The following TMEM178B variants were observed in gnomAD, a reference collection of about 807,000 sequenced individuals.
TMEM178B encodes the protein transmembrane protein 178B.
TMEM178B carries 5 observed loss-of-function variants against 31.0 expected under a neutral mutation model. The observed-to-expected ratio is 0.16, with a 90% CI of 0.08 to 0.34. The LOEUF (loss-of-function observed/expected upper bound fraction) is 0.34. TMEM178B is among the 10% of genes least tolerant of loss of function. The pLI is 1.00. For synonymous variants in TMEM178B, 164 were observed against 164.0 expected (o/e 1.00, Z 0.00); for missense variants, 275 against 400.3 (o/e 0.69, Z 2.67).
At chr7:141,439,772 A>G (rs753723667) in intron 3 of TMEM178B, among the ~76,000 whole-genome samples, 1 of 152,188 alleles carries the variant, frequency 6.6e-6, no homozygotes, top group Non-Finnish European at 1.5e-5. Flanking sequence ...CCTGGGGGCC[A>G]GCTTCTTTCA....
downstream of TMEM178B, among the ~76,000 whole-genome samples, chr7:141,483,752 T>TC (rs981988034): frequency 3.9e-5 from 6 of 151,988 alleles, no homozygotes; most frequent in African/African-American, 1.4e-4. Context: ...TTTTTTTTTT[T>TC]TGAGATGGAG....
At chr7:141,383,284 A>G (rs983993252) in intron 2 of TMEM178B, among the ~76,000 whole-genome samples, 3 of 151,592 alleles carry the variant, frequency 2.0e-5, no homozygotes, top group African/African-American at 7.3e-5. Flanking sequence ...TTTGTTACAT[A>G]TGTATACATG....
At chr7:141,454,190 C>A (rs529183662) in intron 3 of TMEM178B, among the ~76,000 whole-genome samples, 3 of 152,162 alleles carry the variant, frequency 2.0e-5, no homozygotes, top group Non-Finnish European at 4.4e-5. Flanking sequence ...TTCCCAAAAG[C>A]CTCTGGCTCA....
intron 2 of TMEM178B, among the ~76,000 whole-genome samples, chr7:141,253,549 T>TTTC (rs1365826955): frequency 1.5e-5 from 2 of 135,160 alleles, no homozygotes; most frequent in African/African-American, 2.6e-5. Flanking sequence ...CCCTTCTTTT[T>TTTC]TTTTTTTTTT....
At chr7:141,390,793 C>T (rs1297100851) in intron 2 of TMEM178B, among the ~76,000 whole-genome samples, 2 of 152,224 alleles carry the variant, frequency 1.3e-5, no homozygotes, top group Admixed American at 6.5e-5. Flanking sequence ...ATTTATGCTT[C>T]TCTACCTCTG....
intron 2 of TMEM178B, among the ~76,000 whole-genome samples, chr7:141,310,849 C>T (rs764303745): frequency 6.6e-6 from 1 of 152,094 alleles, no homozygotes. Flanking sequence ...TACATGCACG[C>T]GTATGTTCAT....
At chr7:141,157,773 A>G (rs959643177) in intron 1 of TMEM178B, among the ~76,000 whole-genome samples, 1 of 152,214 alleles carries the variant, frequency 6.6e-6, no homozygotes. Flanking sequence ...TGCCTGGCAC[A>G]TCATGGTGAT....
chr7:141,321,483 AAG>A (rs1430889582), intron 2 of TMEM178B, among the ~76,000 whole-genome samples: 1 of 152,172 alleles, frequency 6.6e-6, no homozygotes, highest in Non-Finnish European at 1.5e-5. Flanking sequence ...ACAGCCGAGT[AAG>A]AGAGTGCAGT....
At chr7:141,381,465 T>C (rs1400329059) in intron 2 of TMEM178B, among the ~76,000 whole-genome samples, 1 of 152,208 alleles carries the variant, frequency 6.6e-6, no homozygotes, top group Non-Finnish European at 1.5e-5. Flanking sequence ...TGTTTGTTTT[T>C]TATATTTCTT....
rs187171154 is a variant in TMEM178B at position 141,256,228 on chromosome 7, G to A, written c.496+43524G>A. Among the ~76,000 whole-genome samples, 399 of 152,218 alleles carry A rather than the reference G, an allele frequency of 2.6e-3. 1 individual carries two copies. The highest frequency in any genetic ancestry group is 6.8e-3 in the Middle Eastern group (2 of 294). Reference sequence around the variant, plus strand: ...CTGATACATTCCAATATAAATAGAAGACCATAAACAAGTAAACTTAAATTA... The same window carrying A: ...CTGATACATTCCAATATAAATAGAAAACCATAAACAAGTAAACTTAAATTA... On this transcript the variant is annotated intron_variant, in intron 2 of 3. Coordinates refer to ENST00000565468, the MANE Select transcript of TMEM178B (RefSeq NM_001195278.2).
At chr7:141,438,922 T>G (rs919541503) in intron 3 of TMEM178B, among the ~76,000 whole-genome samples, 1 of 147,634 alleles carries the variant, frequency 6.8e-6, no homozygotes, top group South Asian at 2.2e-4. Context: ...TGGAAAGAAA[T>G]AAAAGTAAGT....
At chr7:141,201,882 G>A (rs993103411) in intron 1 of TMEM178B, among the ~76,000 whole-genome samples, 6 of 152,166 alleles carry the variant, frequency 3.9e-5, no homozygotes, top group Non-Finnish European at 1.5e-5. Flanking sequence ...TACTTTATAT[G>A]TTTCCAATAT....
At chr7:141,441,337 G>A (rs2116688335) in intron 3 of TMEM178B, among the ~76,000 whole-genome samples, 1 of 152,324 alleles carries the variant, frequency 6.6e-6, no homozygotes, top group Admixed American at 6.5e-5. Context: ...TTTAGGGGTT[G>A]GCCTGTTGAA....
At chr7:141,176,505 A>G (rs984767659) in intron 1 of TMEM178B, among the ~76,000 whole-genome samples, 13 of 151,940 alleles carry the variant, frequency 8.6e-5, no homozygotes, top group East Asian at 3.9e-4. Context: ...CTCTTTTTCT[A>G]TTATTTGGAA....
chr7:141,116,916 T>C (rs370719228), intron 1 of TMEM178B, among the ~76,000 whole-genome samples: 2 of 152,216 alleles, frequency 1.3e-5, no homozygotes, highest in African/African-American at 2.4e-5. Context: ...CAGTTTATCA[T>C]TGATGGGCAT....
chr7:141,093,099 G>A (rs986104594), intron 1 of TMEM178B, among the ~76,000 whole-genome samples: 2 of 152,112 alleles, frequency 1.3e-5, no homozygotes, highest in African/African-American at 2.4e-5. Context: ...GAAGAGGAGC[G>A]ATGTGATTAG....
chr7:141,435,515 TGTG>T (rs995780270), intron 2 of TMEM178B, among the ~76,000 whole-genome samples: 1 of 152,048 alleles, frequency 6.6e-6, no homozygotes, highest in African/African-American at 2.4e-5. Context: ...CAGAGTCTCT[TGTG>T]GTGGTGGGGA....
At chr7:141,437,373 A>T (rs972608044) in intron 2 of TMEM178B, among the ~76,000 whole-genome samples, 1 of 152,216 alleles carries the variant, frequency 6.6e-6, no homozygotes, top group Non-Finnish European at 1.5e-5. Flanking sequence ...TATTGTGATG[A>T]TCTGTCCCTG....
At chr7:141,423,837 C>A (rs568836982) in intron 2 of TMEM178B, among the ~76,000 whole-genome samples, 92 of 117,350 alleles carry the variant, frequency 7.8e-4, no homozygotes, top group Non-Finnish European at 1.2e-3. Flanking sequence ...GAAATGGAGT[C>A]TTGCTCTGTC....
Sources: allele counts gnomAD v4.1 joint callset (sites outside exome capture counted in the v4.1 genomes callset), GRCh38; gene constraint gnomAD v4.1.1; transcripts MANE v1.5; gene names NCBI Gene and HGNC (gene_info 2026-07-23, HGNC 2026-07-21).